The following ANO3 variants were observed in gnomAD, a reference collection of about 807,000 sequenced individuals.
ANO3 encodes anoctamin 3, also known as anoctamin-3.
In ANO3, 99 loss-of-function variants were observed where a neutral mutation model predicts 144.8. The ratio of observed to expected loss-of-function variants is 0.68; its 90% CI spans 0.58 to 0.81. The LOEUF is 0.81. ANO3 is among the 30% of genes least tolerant of loss of function. The probability of loss-of-function intolerance (pLI) is 0.00; values close to 1 mark genes in which losing one functional copy is unlikely to be tolerated. For synonymous variants in ANO3, 414 were observed against 392.6 expected, an observed-to-expected ratio of 1.05 and a Z score of -0.64; for missense variants, 905 against 1,202.2, an observed-to-expected ratio of 0.75 and a Z score of 3.66.
chr11:26,595,460 G>A (rs201829725), intron 14 of ANO3, among the ~76,000 whole-genome samples: 1 of 101,384 alleles, frequency 9.9e-6, no homozygotes, highest in East Asian at 3.0e-4. Flanking sequence ...AGATAGAGTT[G>A]TTTTTTTTTT....
intron 6 of ANO3, among the ~76,000 whole-genome samples, chr11:26,519,755 G>A (rs1010563642): frequency 1.3e-5 from 2 of 152,038 alleles, no homozygotes; most frequent in African/African-American, 4.8e-5. Context: ...GTGAATTTTC[G>A]GGAAACACAA....
intron 1 of ANO3, among the ~76,000 whole-genome samples, chr11:26,351,881 T>C (rs1855654400): frequency 6.6e-6 from 1 of 152,142 alleles, no homozygotes; most frequent in South Asian, 2.1e-4. Context: ...CTAATATCCC[T>C]TGATTGAAAA....
intron 1 of ANO3, among the ~76,000 whole-genome samples, chr11:26,226,645 T>C (rs1852263051): frequency 6.6e-6 from 1 of 152,190 alleles, no homozygotes; most frequent in South Asian, 2.1e-4. Flanking sequence ...AGTGGCTACA[T>C]AAATATTTCA....
At chr11:26,235,034 G>A (rs1852488507) in intron 1 of ANO3, among the ~76,000 whole-genome samples, 1 of 148,694 alleles carries the variant, frequency 6.7e-6, no homozygotes, top group Admixed American at 6.7e-5. Flanking sequence ...GATGAGGGGA[G>A]AGCGAGAGTG....
intron 1 of ANO3, among the ~76,000 whole-genome samples, chr11:26,376,201 C>T (rs1259731525): frequency 1.3e-5 from 2 of 152,066 alleles, no homozygotes; most frequent in Admixed American, 1.3e-4. Context: ...TAATTATACA[C>T]ATCCATAAAC....
At chr11:26,303,587 A>G (rs1319736463) in intron 1 of ANO3, among the ~76,000 whole-genome samples, 1 of 152,224 alleles carries the variant, frequency 6.6e-6, no homozygotes, top group Non-Finnish European at 1.5e-5. Context: ...AAAACTGCCT[A>G]TTGAGTACTA....
rs369630776 is a variant in ANO3 at position 26,390,062 on chromosome 11, A to C, written c.47-51856A>C. On this transcript the variant is annotated intron_variant, in intron 1 of 26. Transcript: ENST00000256737. ...CAATAAATCATCAATAATCCATTCA[A>C]CCATTTCCTGACTTAACATGGTTCT... 7.2e-5 allele frequency among the ~76,000 whole-genome samples: 11 copies of C among 152,104 alleles called. No homozygotes were observed. The East Asian group carries it at 1.3e-3, about 19-fold the overall frequency.
chr11:26,366,028 G>A (rs906081530), intron 1 of ANO3, among the ~76,000 whole-genome samples: 1 of 141,164 alleles, frequency 7.1e-6, no homozygotes, highest in African/African-American at 2.6e-5. Context: ...AAGTTCTAGG[G>A]TACATGCACA....
At chr11:26,314,057 C>A (rs1854566950) in intron 1 of ANO3, among the ~76,000 whole-genome samples, 1 of 151,870 alleles carries the variant, frequency 6.6e-6, no homozygotes, top group Admixed American at 6.6e-5. Context: ...GTGTTGTGGG[C>A]CCACAATGGA....
chr11:26,483,490 CT>C, intron 4 of ANO3, among the ~76,000 whole-genome samples: 1 of 152,194 alleles, frequency 6.6e-6, no homozygotes, highest in South Asian at 2.1e-4. Context: ...GTTTGTGGCA[CT>C]TTCCCCTTTA....
chr11:26,660,069 G>A (rs1475275420), intron 26 of ANO3, among the ~76,000 whole-genome samples, 193 bp from the exon 27 acceptor site: 1 of 152,076 alleles, frequency 6.6e-6, no homozygotes, highest in Non-Finnish European at 1.5e-5. Flanking sequence ...TCTTTGTTTT[G>A]TCCTAATACT....
At chr11:26,303,874 C>T (rs1435436512) in intron 1 of ANO3, among the ~76,000 whole-genome samples, 1 of 152,076 alleles carries the variant, frequency 6.6e-6, no homozygotes, top group Non-Finnish European at 1.5e-5. Context: ...TGCCTGCCAC[C>T]ATACCTGGCT....
At chr11:26,224,942 G>A (rs1852227659) in intron 1 of ANO3, among the ~76,000 whole-genome samples, 1 of 151,994 alleles carries the variant, frequency 6.6e-6, no homozygotes, top group African/African-American at 2.4e-5. Context: ...TGCTTGGAGG[G>A]TAAGGCCTTT....
intron 1 of ANO3, among the ~76,000 whole-genome samples, chr11:26,389,597 T>C (rs1170888649): frequency 1.3e-5 from 2 of 152,040 alleles, no homozygotes; most frequent in African/African-American, 2.4e-5. Flanking sequence ...TTAGAGACTT[T>C]ATGAACTATA....
At chr11:26,286,702 T>C (rs1590234877) in intron 1 of ANO3, among the ~76,000 whole-genome samples, 1 of 152,274 alleles carries the variant, frequency 6.6e-6, no homozygotes, top group East Asian at 1.9e-4. Context: ...CACTCAGTAA[T>C]TGGCAATGCG....
chr11:26,448,201 A>C (rs1858777172), intron 3 of ANO3, among the ~76,000 whole-genome samples: 1 of 151,624 alleles, frequency 6.6e-6, no homozygotes, highest in Admixed American at 6.6e-5. Context: ...AGGGAGGCTG[A>C]GGCAGGAGAA....
chr11:26,209,351 C>A (rs532853844), intron 1 of ANO3, among the ~76,000 whole-genome samples: 1 of 152,174 alleles, frequency 6.6e-6, no homozygotes, highest in Non-Finnish European at 1.5e-5. Context: ...GCAAAGTATT[C>A]CATTTTGTAT....
chr11:26,343,113 T>C (rs1855407761), intron 1 of ANO3, among the ~76,000 whole-genome samples: 1 of 152,198 alleles, frequency 6.6e-6, no homozygotes, highest in Non-Finnish European at 1.5e-5. Context: ...ACTGTACCCT[T>C]TGACCAATAG....
chr11:26,556,400 T>C (rs963982605), intron 13 of ANO3, among the ~76,000 whole-genome samples: 1 of 97,990 alleles, frequency 1.0e-5, no homozygotes, highest in Non-Finnish European at 2.4e-5. Context: ...AACCTCAGAC[T>C]GTATACTGAT....
Sources: allele counts gnomAD v4.1 joint callset (sites outside exome capture counted in the v4.1 genomes callset), GRCh38; gene constraint gnomAD v4.1.1; transcripts MANE v1.5; gene names NCBI Gene and HGNC (gene_info 2026-07-23, HGNC 2026-07-21).